The following RIMS2 variants were observed in gnomAD, a reference collection of about 807,000 sequenced individuals.
RIMS2 encodes the protein regulating synaptic membrane exocytosis protein 2.
Under a neutral mutation model 174.4 loss-of-function variants are expected in RIMS2, and 59 were observed. The ratio of observed to expected loss-of-function variants is 0.34; its 90% CI spans 0.27 to 0.42. RIMS2 has a LOEUF of 0.42. Ranked by LOEUF, RIMS2 falls within the 10% of genes least tolerant of loss-of-function variation. The probability of loss-of-function intolerance (pLI) is 1.00; values close to 1 mark genes in which losing one functional copy is unlikely to be tolerated. For missense variants in RIMS2, 1,620 were observed against 1,666.3 expected, an observed-to-expected ratio of 0.97 and a Z score of 0.48; for synonymous variants, 606 against 572.5, an observed-to-expected ratio of 1.06 and a Z score of -0.84.
intron 2 of RIMS2, among the ~76,000 whole-genome samples, chr8:103,698,792 C>A (rs1431362042): frequency 1.3e-5 from 2 of 152,064 alleles, no homozygotes; most frequent in Non-Finnish European, 2.9e-5. Flanking sequence ...ATTTTGTTTA[C>A]AACTTTTGCT....
At chr8:103,749,764 G>C (rs752831616) in intron 2 of RIMS2, among the ~76,000 whole-genome samples, 11 of 151,900 alleles carry the variant, frequency 7.2e-5, no homozygotes, top group Non-Finnish European at 1.6e-4. Context: ...TGAAGTAGTG[G>C]GAATAAAGGG....
chr8:103,810,633 T>C (rs923699400), intron 3 of RIMS2, among the ~76,000 whole-genome samples: 1 of 152,198 alleles, frequency 6.6e-6, no homozygotes, highest in African/African-American at 2.4e-5. Flanking sequence ...CATGATGTTT[T>C]GATATACATA....
chr8:104,192,836 T>C (rs376177155), intron 19 of RIMS2, among the ~76,000 whole-genome samples: 129 of 152,310 alleles, frequency 8.5e-4, no homozygotes, highest in African/African-American at 3.0e-3. Flanking sequence ...TTGTAGATGA[T>C]ACAGCAGTGA....
In RIMS2 at chr8:103,768,494, C is replaced by A. The variant is rs1038272075; in HGVS notation, c.698+1957C>A. On this transcript the variant is annotated intron_variant, in intron 3 of 23. Transcript: ENST00000504942. ...GAAGAGGGGTGTCTTGATTCATGGC[C>A]GTGTCCGCCTGCTAATGAGTAAGGG... 4.3e-6 allele frequency: 4 copies of A among 932,698 alleles called. No individual in the cohort carries two copies. The African/African-American group carries it at 4.8e-5, about 11-fold the overall frequency. 57.8% of individuals were successfully genotyped at this position (932,698 alleles called of 1,614,324 possible). A position where few individuals can be genotyped will look rare whatever the true frequency, so the allele number is the denominator to read the frequency against.
At chr8:103,880,754 T>A (rs1409837015) in intron 3 of RIMS2, 3 of 434,882 alleles carry the variant, frequency 6.9e-6, no homozygotes, top group Admixed American at 3.9e-5. Flanking sequence ...TTTTTGTTTT[T>A]TTATAAATAG....
At chr8:104,004,918 CTG>C (rs1253954510) in intron 17 of RIMS2, among the ~76,000 whole-genome samples, 1 of 152,006 alleles carries the variant, frequency 6.6e-6, no homozygotes, top group Non-Finnish European at 1.5e-5. Flanking sequence ...GTTTTAATGA[CTG>C]TGTGAGTAGG....
At chr8:103,868,466 A>G (rs182209408) in intron 3 of RIMS2, among the ~76,000 whole-genome samples, 119 of 152,122 alleles carry the variant, frequency 7.8e-4, no homozygotes, top group African/African-American at 2.6e-3. Context: ...TTTTTGTTTA[A>G]GTTCTAAAAA....
chr8:103,531,171 G>A (rs543128911), intron 1 of RIMS2, among the ~76,000 whole-genome samples: 11 of 152,074 alleles, frequency 7.2e-5, no homozygotes, highest in Admixed American at 5.9e-4. Flanking sequence ...AATGACTGCA[G>A]AATATCTTTA....
Position 104,247,459 on chromosome 8 carries a change from C to T in RIMS2, c.3477-1242C>T, listed in dbSNP as rs114636187. Among the ~76,000 whole-genome samples the T allele has an allele frequency of 4.8e-3, 730 of 152,258 alleles. 9 individuals are homozygous for T. The highest frequency in any genetic ancestry group is 0.016 in the African/African-American group (661 of 41,558). On this transcript the variant is annotated intron_variant, in intron 20 of 23. Transcript: ENST00000504942. ...TGGGTCATATTGGATTAGGGCACCACGCAAATGGCCTCATTTAACCTTCTC... is the reference window on the plus strand; with the variant it reads ...TGGGTCATATTGGATTAGGGCACCATGCAAATGGCCTCATTTAACCTTCTC...
intron 3 of RIMS2, among the ~76,000 whole-genome samples, chr8:103,842,829 G>A (rs1281004102): frequency 6.6e-6 from 1 of 152,202 alleles, no homozygotes; most frequent in African/African-American, 2.4e-5. Flanking sequence ...TAAACAGCAG[G>A]AATTAATTTC....
rs576550358 is a variant in RIMS2, at chr8:103,717,288, ATTTC to A, written c.387+20000_387+20003del. Among the ~76,000 whole-genome samples the A allele has an allele frequency of 1.1e-3, 164 of 146,924 alleles. 1 individual carries two copies. Among genetic ancestry groups the A allele is most frequent in the African/African-American group, 3.9e-3 (155 of 40,042 alleles). On this transcript the variant is annotated intron_variant, in intron 2 of 23. Coordinates refer to ENST00000504942, the Ensembl canonical transcript of RIMS2. ...TCTTAGTAGAAAAAAGGTTACTGCA[ATTTC>A]TTTCTTTTTCTTTCCTTAAAAAAAA...
chr8:104,102,797 T>G (rs964565657), intron 19 of RIMS2, among the ~76,000 whole-genome samples: 1 of 152,012 alleles, frequency 6.6e-6, no homozygotes, highest in Non-Finnish European at 1.5e-5. Flanking sequence ...GAAAAACCCG[T>G]CCCCATGATT....
intron 1 of RIMS2, among the ~76,000 whole-genome samples, chr8:103,685,585 A>G (rs1192949759): frequency 6.6e-6 from 1 of 151,996 alleles, no homozygotes; most frequent in African/African-American, 2.4e-5. Context: ...TTAAAAGACA[A>G]TTTTTTTCTC....
intron 1 of RIMS2, among the ~76,000 whole-genome samples, chr8:103,640,192 A>G (rs550679201): frequency 1.7e-4 from 26 of 151,988 alleles, no homozygotes; most frequent in African/African-American, 6.0e-4. Flanking sequence ...TGTTCTTACT[A>G]TTTTTTAAAT....
intron 1 of RIMS2, among the ~76,000 whole-genome samples, chr8:103,594,784 C>T (rs1258853750): frequency 6.6e-6 from 1 of 151,722 alleles, no homozygotes; most frequent in Non-Finnish European, 1.5e-5. Flanking sequence ...TTGGTGATTA[C>T]TTGGCTTCAA....
intron 14 of RIMS2, among the ~76,000 whole-genome samples, chr8:103,947,167 G>T (rs781649137): frequency 6.6e-6 from 1 of 152,106 alleles, no homozygotes; most frequent in Non-Finnish European, 1.5e-5. Context: ...AAACATAGGA[G>T]AAAAATCTTC....
At chr8:104,146,400 G>A (rs112784170) in intron 19 of RIMS2, among the ~76,000 whole-genome samples, 1 of 151,952 alleles carries the variant, frequency 6.6e-6, no homozygotes, top group African/African-American at 2.4e-5. Context: ...TGAATAAAAA[G>A]AAATAACTCC....
intron 1 of RIMS2, among the ~76,000 whole-genome samples, chr8:103,579,914 G>T (rs2093501645): frequency 6.6e-6 from 1 of 152,190 alleles, no homozygotes; most frequent in Non-Finnish European, 1.5e-5. Context: ...CAGAGAGAGT[G>T]AAGACGGAGA....
chr8:103,587,504 C>A (rs967378430), intron 1 of RIMS2, among the ~76,000 whole-genome samples: 7 of 151,270 alleles, frequency 4.6e-5, no homozygotes, highest in African/African-American at 1.7e-4. Flanking sequence ...AATATTGGTA[C>A]AAAAATCCTC....
Sources: gnomAD v4.1 joint callset for allele counts (sites outside exome capture counted in the v4.1 genomes callset) on GRCh38, gnomAD v4.1.1 for gene constraint, MANE v1.5 for transcripts, NCBI Gene and HGNC (gene_info 2026-07-23, HGNC 2026-07-21) for gene names.